Variants in KIF1A observed in about 807,000 individuals in gnomAD.
KIF1A encodes the protein kinesin family member 1A.
KIF1A carries 46 observed loss-of-function variants against 227.3 expected under a neutral mutation model. The observed-to-expected ratio is 0.20, with a 90% CI of 0.16 to 0.26. KIF1A has a LOEUF of 0.26. Ranked by LOEUF, KIF1A falls within the 10% of genes least tolerant of loss-of-function variation. The pLI, the probability that KIF1A is intolerant of heterozygous loss-of-function variation, is 1.00. For synonymous variants in KIF1A, 1,022 were observed against 1,012.8 expected, an observed-to-expected ratio of 1.01 and a Z score of -0.17; for missense variants, 1,683 against 2,485.9, an observed-to-expected ratio of 0.68 and a Z score of 6.87.
chr2:240,768,682 C>T (rs777736466), intron 17 of KIF1A, among the ~76,000 whole-genome samples: 12 of 152,306 alleles, frequency 7.9e-5, no homozygotes, highest in Non-Finnish European at 5.9e-5. Context: ...CTGAAAGACC[C>T]CTTAGGCCTG....
chr2:240,750,558 G>C lies in KIF1A; in HGVS notation c.2859-11C>G. ...AGGTACACGAAGGCCCTGGGGAGAAGCAGAGGCGGCGGTCATGGGCCACCC... is the reference window on the plus strand; with the variant it reads ...AGGTACACGAAGGCCCTGGGGAGAACCAGAGGCGGCGGTCATGGGCCACCC... On this transcript the variant is annotated splice_polypyrimidine_tract_variant and intron_variant, in intron 27 of 48. Coordinates refer to ENST00000498729, the MANE Select transcript of KIF1A (RefSeq NM_001244008.2). 1 of 1,601,326 alleles carries C rather than the reference G, an allele frequency of 6.2e-7. No individual in the cohort carries two copies. The highest frequency in any genetic ancestry group is 8.6e-7 in the Non-Finnish European group (1 of 1,168,988).
chr2:240,757,393 G>A lies in KIF1A; in HGVS notation c.2784C>T (p.Val928=). 1 of 1,549,586 alleles carries A rather than the reference G, an allele frequency of 6.5e-7. No individual in the cohort carries two copies. The highest frequency in any genetic ancestry group is 8.7e-7 in the Non-Finnish European group (1 of 1,146,906). ...CGTCGCACAGCGCGTGCTCCGGAAA[G>A]ACGTCGTCCTCCAGGTCCTCCTCCT... ...DEEEEDLEDD[V]FPEHALCDGR... The change falls in exon 27 of 49, where the codon GTC becomes GTT. Residue 928 remains valine (V), a synonymous_variant. Coordinates refer to ENST00000498729, the MANE Select transcript of KIF1A (RefSeq NM_001244008.2). This position sits in a 1 kb window ranked among gnomAD's most constrained non-coding sequence, Gnocchi z 6.2.
chr2:240,807,763 G>A (rs914860573), intron 1 of KIF1A, among the ~76,000 whole-genome samples: 2 of 152,050 alleles, frequency 1.3e-5, no homozygotes, highest in Non-Finnish European at 2.9e-5. Flanking sequence ...ATGAACATAG[G>A]TACAAAAGTC....
rs184633005 is a variant in KIF1A, at chr2:240,800,077, C to T, written c.-60-2265G>A. Among the ~76,000 whole-genome samples, 555 of 150,602 alleles carry T rather than the reference C, an allele frequency of 3.7e-3. 2 individuals are homozygous for T. Among genetic ancestry groups the T allele is most frequent in the African/African-American group, 0.013 (516 of 41,028 alleles). On this transcript the variant is annotated intron_variant, in intron 1 of 48. Coordinates refer to ENST00000498729, the MANE Select transcript of KIF1A (RefSeq NM_001244008.2). ...TGATTTCCAAAGTCTAGAAATGACA[C>T]GTGAACAGACTAAGCATGTCCAAAG...
intron 1 of KIF1A, among the ~76,000 whole-genome samples, chr2:240,808,439 G>A (rs868293226): frequency 2.2e-4 from 33 of 151,740 alleles, no homozygotes; most frequent in African/African-American, 7.5e-4. Context: ...TAGAAGGATT[G>A]CTTGAGCCCA....
chr2:240,734,972 C>T (rs913621354), intron 38 of KIF1A, among the ~76,000 whole-genome samples: 2 of 152,262 alleles, frequency 1.3e-5, no homozygotes, highest in Non-Finnish European at 1.5e-5. Flanking sequence ...AGCCTCCGCA[C>T]GTCAGGGAGA....
chr2:240,751,484 C>T (rs1283130960), intron 27 of KIF1A, among the ~76,000 whole-genome samples: 1 of 152,132 alleles, frequency 6.6e-6, no homozygotes, highest in Non-Finnish European at 1.5e-5. Flanking sequence ...CCTGACCTTG[C>T]TCCCTCCACA....
Position 240,737,167 on chromosome 2 carries a change from G to A in KIF1A, c.3903C>T (p.Gly1301=). ...CGGTCTCTGGAGTGTTTCGGATGCG[G>A]CCTGCAGAAAAGGCAACGGGCCACA... ...RWKEVRELVV[G]RIRNTPETDE... Residue 1301 remains glycine, a splice_region_variant and synonymous_variant, in exon 38 of 49, where the codon GGC becomes GGT. Coordinates refer to ENST00000498729, the MANE Select transcript of KIF1A (RefSeq NM_001244008.2). The A allele has an allele frequency of 1.9e-6, 3 of 1,613,126 alleles. No individual in the cohort carries two copies. Among genetic ancestry groups the A allele is most frequent in the Non-Finnish European group, 2.5e-6 (3 of 1,179,196 alleles).
intron 15 of KIF1A, 104 bp downstream of exon 15, chr2:240,770,867 C>T: frequency 2.2e-6 from 3 of 1,385,900 alleles, no homozygotes; most frequent in Non-Finnish European, 3.0e-6. Context: ...CACAATGGCC[C>T]TATGAGGATG....
In KIF1A at chr2:240,793,340, G is replaced by A. The variant is rs960484809; in HGVS notation, c.107-4028C>T. On this transcript the variant is annotated intron_variant, in intron 2 of 48. Transcript: ENST00000498729. This position sits in a 1 kb window ranked among gnomAD's most constrained non-coding sequence, Gnocchi z 4.8. ...CAGCACCACCCCTCACTACTGCACAGGTGGGGAAACTGAGGCCCAAAGGGA... is the reference window on the plus strand; with the variant it reads ...CAGCACCACCCCTCACTACTGCACAAGTGGGGAAACTGAGGCCCAAAGGGA... Among the ~76,000 whole-genome samples the A allele has an allele frequency of 2.6e-5, 4 of 152,234 alleles. No homozygotes were observed. Among genetic ancestry groups the A allele is most frequent in the African/African-American group, 7.2e-5 (3 of 41,460 alleles).
rs777997857 is a variant in KIF1A at position 240,720,930 on chromosome 2, C to T, written c.4852G>A (p.Gly1618Ser). 5.7e-6 allele frequency: 9 copies of T among 1,578,370 alleles called. No individual in the cohort carries two copies. Among genetic ancestry groups the T allele is most frequent in the South Asian group, 1.2e-5 (1 of 86,640 alleles). ...TCPSLVEGRY[G>S]ATDLRTPQPC... is the part of the protein sequence containing the mutation. ...CTCACTCACCTCAGGTCAGTGGCAC[C>T]GTACCGCCCTTCAACCAGAGAGGGG... Residue 1618 changes from glycine (G) to serine (S), a missense_variant, in exon 45 of 49, where the codon GGT becomes AGT. Coordinates refer to ENST00000498729, the MANE Select transcript of KIF1A (RefSeq NM_001244008.2).
At chr2:240,787,218 C>A in intron 5 of KIF1A, 33 bp downstream of exon 5, 1 of 1,571,692 alleles carries the variant, frequency 6.4e-7, no homozygotes, top group Non-Finnish European at 8.8e-7. Flanking sequence ...CCCAGCCCTG[C>A]CCCAGCGGCC....
At chr2:240,800,814 A>T (rs1455489167) in intron 1 of KIF1A, among the ~76,000 whole-genome samples, 1 of 152,256 alleles carries the variant, frequency 6.6e-6, no homozygotes, top group East Asian at 1.9e-4. Context: ...CCGGGAGGAG[A>T]ATACCCAGTG....
chr2:240,783,241 A>G (rs1216975425), intron 8 of KIF1A, 132 bp from the exon 9 acceptor site: 3 of 764,382 alleles, frequency 3.9e-6, no homozygotes, highest in Non-Finnish European at 6.9e-6. Context: ...CTCTGGGGCC[A>G]CTTGGGCGTG....
In KIF1A at chr2:240,775,775, C is replaced by T; in HGVS notation, c.958+76G>A. 1 of 988,222 alleles carries T rather than the reference C, an allele frequency of 1.0e-6. No homozygotes were observed. The highest frequency in any genetic ancestry group is 1.6e-6 in the Non-Finnish European group (1 of 613,510). The allele number at this position is 988,222 out of a possible 1,614,324, so 61.2% of individuals were successfully genotyped here. On this transcript the variant is annotated intron_variant, in intron 11 of 48. Transcript: ENST00000498729. The surrounding 1 kb of genome is among the most constrained non-coding windows in gnomAD (Gnocchi z 5.5). Reference sequence around the variant, plus strand: ...GAGAGGCCTGCTGGCGACTGGGCACCCCCTCAGTGGGGAAGAAGGGCACAG... The same window carrying T: ...GAGAGGCCTGCTGGCGACTGGGCACTCCCTCAGTGGGGAAGAAGGGCACAG...
At chr2:240,808,938 G>T (rs1391958434) in intron 1 of KIF1A, among the ~76,000 whole-genome samples, 3 of 151,726 alleles carry the variant, frequency 2.0e-5, no homozygotes, top group African/African-American at 7.3e-5. Flanking sequence ...CACTGTGTTG[G>T]CCAGGCTGGT....
At position 240,769,637 on chromosome 2, in the gene KIF1A, G is replaced by T; in HGVS notation, c.1411C>A (p.Arg471=). ...EEKLRRTEAI[R]MEREALLAEM... ...TTCCCCGCTGCACACCTCTCCATCCGGATGGCTTCTGTCCGCCGCAGCTTC... is the reference window on the plus strand; with the variant it reads ...TTCCCCGCTGCACACCTCTCCATCCTGATGGCTTCTGTCCGCCGCAGCTTC... Residue 471 remains arginine, a synonymous_variant, in exon 16 of 49, where the codon CGG becomes AGG. Transcript: ENST00000498729. 1.2e-6 allele frequency: 2 copies of T among 1,613,208 alleles called. No individual in the cohort carries two copies. Among genetic ancestry groups the T allele is most frequent in the Non-Finnish European group, 1.7e-6 (2 of 1,179,622 alleles).
rs377135719 is a variant in KIF1A, at chr2:240,725,225, G to A, written c.4256+46C>T. On this transcript the variant is annotated intron_variant, in intron 40 of 48. Coordinates refer to ENST00000498729, the MANE Select transcript of KIF1A (RefSeq NM_001244008.2). This position sits in a 1 kb window ranked among gnomAD's most constrained non-coding sequence, Gnocchi z 5.8. Reference sequence around the variant, plus strand: ...GGCAGAGCCCTGCCTGGCCCGCACCGAGACCAGGGTGGGAGTCCATGTGGT... The same window carrying A: ...GGCAGAGCCCTGCCTGGCCCGCACCAAGACCAGGGTGGGAGTCCATGTGGT... The A allele has an allele frequency of 2.2e-5, 34 of 1,561,158 alleles. No homozygotes were observed. The highest frequency in any genetic ancestry group is 8.2e-5 in the African/African-American group (6 of 73,544).
rs2052559209 is a variant in KIF1A, at chr2:240,775,037, T to C, written c.959-776A>G. Among the ~76,000 whole-genome samples the C allele has an allele frequency of 6.6e-6, 1 of 152,202 alleles. No homozygotes were observed. Among genetic ancestry groups the C allele is most frequent in the African/African-American group, 2.4e-5 (1 of 41,466 alleles). ...GACTCCCCTGCCCCCGCCCTGGGACTGAACCTGGGTGTGCCTGGAGCAGGC... is the reference window on the plus strand; with the variant it reads ...GACTCCCCTGCCCCCGCCCTGGGACCGAACCTGGGTGTGCCTGGAGCAGGC... On this transcript the variant is annotated intron_variant, in intron 11 of 48. Transcript: ENST00000498729. This position sits in a 1 kb window ranked among gnomAD's most constrained non-coding sequence, Gnocchi z 5.5.
Sources: gnomAD v4.1 joint callset for allele counts (sites outside exome capture counted in the v4.1 genomes callset) on GRCh38, gnomAD v4.1.1 for gene constraint, Gnocchi (gnomAD v3.1) non-coding constraint, MANE v1.5 for transcripts, NCBI Gene and HGNC (gene_info 2026-07-23, HGNC 2026-07-21) for gene names.